GALM: variants seen among roughly 807,000 people sequenced by gnomAD.
GALM encodes the protein galactose mutarotase, also known as aldose 1-epimerase.
A neutral mutation model predicts 37.4 loss-of-function variants in GALM; 43 were observed. That is an observed-to-expected ratio of 1.15 (90% confidence interval 0.90 to 1.48). GALM has a LOEUF of 1.48. Ranked by LOEUF, GALM falls within the 40% of genes most tolerant of loss-of-function variation. GALM has a pLI of 0.00. For synonymous variants in GALM, 199 were observed against 170.6 expected (o/e 1.17, Z -1.30); for missense variants, 456 against 419.1 (o/e 1.09, Z -0.77).
In GALM at chr2:38,733,666, G is replaced by T; in HGVS notation, c.*101G>T. The T allele has an allele frequency of 1.1e-6, 1 of 888,126 alleles. No individual in the cohort carries two copies. 55.0% of individuals were successfully genotyped at this position (888,126 alleles called of 1,614,324 possible). On this transcript the variant is annotated 3_prime_UTR_variant, in exon 7 of 7. Coordinates refer to ENST00000272252, the MANE Select transcript of GALM (RefSeq NM_138801.3). ...AAGAAGCTTTCAGAATGATTCTATG[G>T]ATTAAAATCATACAAATGGTGGCTG...
intron 4 of GALM, among the ~76,000 whole-genome samples, chr2:38,700,501 T>A (rs202040114): frequency 7.9e-5 from 12 of 151,944 alleles, no homozygotes; most frequent in Admixed American, 1.3e-4. Context: ...TTCTTTTTTT[T>A]AATCGTTTTT....
At chr2:38,712,145 C>T (rs911892416) in intron 4 of GALM, among the ~76,000 whole-genome samples, 5 of 152,188 alleles carry the variant, frequency 3.3e-5, no homozygotes, top group African/African-American at 1.2e-4. Flanking sequence ...TTTACCCTTA[C>T]TTTACACTAT....
intron 4 of GALM, among the ~76,000 whole-genome samples, chr2:38,721,001 G>C (rs1161127892): frequency 3.3e-5 from 5 of 152,228 alleles, no homozygotes; most frequent in African/African-American, 4.8e-5. Context: ...AGACTCCACG[G>C]CTCAGTGAAG....
chr2:38,696,498 A>G (rs989418143), intron 4 of GALM, among the ~76,000 whole-genome samples: 5 of 149,330 alleles, frequency 3.3e-5, no homozygotes, highest in Non-Finnish European at 7.4e-5. Flanking sequence ...TGACACAATC[A>G]TAGCTCACTG....
intron 4 of GALM, among the ~76,000 whole-genome samples, chr2:38,714,170 A>G: frequency 6.6e-6 from 1 of 152,134 alleles, no homozygotes. Context: ...CACATATAGT[A>G]CATGCATTAT....
chr2:38,671,586 T>A (rs1665102992), intron 1 of GALM, among the ~76,000 whole-genome samples: 1 of 152,158 alleles, frequency 6.6e-6, no homozygotes, highest in Admixed American at 6.5e-5. Flanking sequence ...GAGATGAGAT[T>A]TGGGTGGGAG....
chr2:38,666,147 C>T lies in GALM; in HGVS notation c.-15C>T. The T allele has an allele frequency of 1.9e-6, 3 of 1,604,532 alleles. No individual in the cohort carries two copies. The highest frequency in any genetic ancestry group is 2.7e-5 in the African/African-American group (2 of 74,918). On this transcript the variant is annotated 5_prime_UTR_variant, in exon 1 of 7. It adds an upstream start codon to the 5' untranslated region. Coordinates refer to ENST00000272252, the MANE Select transcript of GALM (RefSeq NM_138801.3). Reference sequence around the variant, plus strand: ...TTGAAGAGCGGGCAGTGGCTGCACACGCCAAACTTTCCCTATGGCTTCGGT... The same window carrying T: ...TTGAAGAGCGGGCAGTGGCTGCACATGCCAAACTTTCCCTATGGCTTCGGT...
At chr2:38,717,510 T>C (rs1388000567) in intron 4 of GALM, among the ~76,000 whole-genome samples, 14 of 151,182 alleles carry the variant, frequency 9.3e-5, no homozygotes, top group African/African-American at 2.4e-5. Flanking sequence ...AGCAATTCTC[T>C]TGCTTGAGCC....
intron 4 of GALM, among the ~76,000 whole-genome samples, chr2:38,694,919 A>C (rs1343512898): frequency 1.3e-5 from 2 of 151,218 alleles, no homozygotes; most frequent in Non-Finnish European, 3.0e-5. Flanking sequence ...AAAACAAAAA[A>C]AGAAAGGGAA....
chr2:38,678,850 T>C (rs950393004), intron 2 of GALM, among the ~76,000 whole-genome samples: 3 of 152,292 alleles, frequency 2.0e-5, no homozygotes, highest in Middle Eastern at 3.4e-3. Flanking sequence ...TTCAAGTCCA[T>C]AGAGTTTGGC....
intron 1 of GALM, among the ~76,000 whole-genome samples, chr2:38,672,099 C>G (rs1429716598): frequency 1.3e-5 from 2 of 151,486 alleles, no homozygotes; most frequent in East Asian, 3.9e-4. Context: ...TGCTTCTTAT[C>G]TTCATGACGT....
intron 4 of GALM, among the ~76,000 whole-genome samples, chr2:38,715,473 T>C (rs1297563860): frequency 1.3e-5 from 2 of 152,196 alleles, no homozygotes; most frequent in Non-Finnish European, 1.5e-5. Context: ...GGCCTTGCTG[T>C]GTTGCCCAGG....
intron 1 of GALM, among the ~76,000 whole-genome samples, chr2:38,673,193 C>T (rs1454064405): frequency 2.0e-5 from 3 of 152,160 alleles, no homozygotes; most frequent in African/African-American, 7.2e-5. Context: ...CTAATCAGCT[C>T]AGGGTCTGTA....
chr2:38,724,539 A>G (rs565211675), intron 4 of GALM, among the ~76,000 whole-genome samples: 1 of 152,208 alleles, frequency 6.6e-6, no homozygotes, highest in African/African-American at 2.4e-5. Flanking sequence ...GACAAATTCC[A>G]CATTTTCCAT....
intron 4 of GALM, among the ~76,000 whole-genome samples, chr2:38,714,220 G>A (rs555982823): frequency 2.0e-4 from 31 of 151,874 alleles, no homozygotes; most frequent in Middle Eastern, 3.4e-3. Flanking sequence ...TTGCGGGGGG[G>A]TTGTTGTTTT....
chr2:38,726,461 C>T (rs1329854925), intron 4 of GALM, among the ~76,000 whole-genome samples: 4 of 151,344 alleles, frequency 2.6e-5, no homozygotes, highest in African/African-American at 4.8e-5. Context: ...CTCCTGACCT[C>T]GTGATCCGCC....
intron 4 of GALM, among the ~76,000 whole-genome samples, chr2:38,710,837 T>C (rs1572534679): frequency 6.7e-6 from 1 of 148,442 alleles, no homozygotes; most frequent in Non-Finnish European, 1.5e-5. Flanking sequence ...CACTGCAACC[T>C]CCGCCTCCTG....
intron 4 of GALM, among the ~76,000 whole-genome samples, chr2:38,720,562 T>A (rs1469911273): frequency 1.3e-5 from 2 of 152,170 alleles, no homozygotes; most frequent in African/African-American, 4.8e-5. Context: ...TAGCAATCTA[T>A]TGCTATACAA....
At chr2:38,724,717 T>C (rs970461127) in intron 4 of GALM, among the ~76,000 whole-genome samples, 3 of 152,250 alleles carry the variant, frequency 2.0e-5, no homozygotes, top group Non-Finnish European at 2.9e-5. Flanking sequence ...GCTTAAAGTC[T>C]TACCCTCTGT....
Sources: gnomAD v4.1 joint callset for allele counts (sites outside exome capture counted in the v4.1 genomes callset) on GRCh38, gnomAD v4.1.1 for gene constraint, MANE v1.5 for transcripts, NCBI Gene and HGNC (gene_info 2026-07-23, HGNC 2026-07-21) for gene names.